Variants in BCAS2 observed in about 807,000 individuals in gnomAD.
BCAS2 encodes the protein BCAS2 pre-mRNA processing factor, also known as pre-mRNA-splicing factor SPF27.
Under a neutral mutation model 35.3 loss-of-function variants are expected in BCAS2, and 34 were observed. The ratio of observed to expected loss-of-function variants is 0.96; its 90% CI spans 0.73 to 1.28. BCAS2 has a LOEUF of 1.28. Among genes scored for constraint, BCAS2 ranks in the 50% most tolerant of loss-of-function variants. The pLI is 0.00. For missense variants in BCAS2, 221 were observed against 268.1 expected (o/e 0.82, Z 1.23); for synonymous variants, 75 against 91.6 (o/e 0.82, Z 1.03).
At chr1:114,571,936 C>T (rs970682777) in intron 4 of BCAS2, among the ~76,000 whole-genome samples, 1 of 152,052 alleles carries the variant, frequency 6.6e-6, no homozygotes, top group Non-Finnish European at 1.5e-5. Context: ...GGGAAAAGTT[C>T]AATAATACAG....
At chr1:114,568,348 A>G in intron 6 of BCAS2, 92 bp from the exon 7 acceptor site, 1 of 1,328,622 alleles carries the variant, frequency 7.5e-7, no homozygotes, top group Non-Finnish European at 1.0e-6. Context: ...GTTCACCCAG[A>G]GCTATAACAC....
At chr1:114,577,918 C>T (rs180845146) in intron 2 of BCAS2, among the ~76,000 whole-genome samples, 2 of 152,200 alleles carry the variant, frequency 1.3e-5, no homozygotes, top group African/African-American at 4.8e-5. Context: ...TTAGGCCGGG[C>T]GAGGTGGCTC....
intron 3 of BCAS2, among the ~76,000 whole-genome samples, chr1:114,576,094 C>T (rs1286221322): frequency 2.0e-5 from 3 of 151,878 alleles, no homozygotes; most frequent in Non-Finnish European, 4.4e-5. Context: ...AAGTTTGCTA[C>T]CATTTTTGTA....
intron 3 of BCAS2, among the ~76,000 whole-genome samples, chr1:114,576,245 C>CTATATA (rs1280617063): frequency 2.3e-4 from 33 of 142,468 alleles, no homozygotes; most frequent in African/African-American, 3.4e-4. Flanking sequence ...CTCTCTCTCT[C>CTATATA]TCTATATATA....
At chr1:114,576,180 T>C (rs1027679928) in intron 3 of BCAS2, among the ~76,000 whole-genome samples, 3 of 151,326 alleles carry the variant, frequency 2.0e-5, no homozygotes, top group Admixed American at 2.0e-4. Flanking sequence ...TATGACTCCT[T>C]CTATTCTCTC....
intron 6 of BCAS2, among the ~76,000 whole-genome samples, chr1:114,569,354 A>G (rs1350995915): frequency 2.0e-5 from 3 of 152,136 alleles, no homozygotes; most frequent in Admixed American, 1.3e-4. Flanking sequence ...AAAGGAAGAG[A>G]GAAATGACAC....
intron 6 of BCAS2, among the ~76,000 whole-genome samples, chr1:114,569,327 A>T (rs1000381645): frequency 6.6e-6 from 1 of 152,002 alleles, no homozygotes; most frequent in African/African-American, 2.4e-5. Context: ...GAAGGGAGAA[A>T]GGGAATGGCC....
At chr1:114,570,265 A>T (rs572753621) in intron 5 of BCAS2, among the ~76,000 whole-genome samples, 193 bp from the exon 6 acceptor site, 44 of 141,988 alleles carry the variant, frequency 3.1e-4, no homozygotes, top group Non-Finnish European at 6.0e-4. Flanking sequence ...TCATTGTGAG[A>T]AATCACACAC....
chr1:114,576,935 C>T (rs1654781759), intron 2 of BCAS2, among the ~76,000 whole-genome samples, 177 bp from the exon 3 acceptor site: 1 of 152,190 alleles, frequency 6.6e-6, no homozygotes, highest in Admixed American at 6.5e-5. Context: ...CACACTCACT[C>T]ACTCACTTCA....
chr1:114,571,672 G>C (rs1654647688), intron 4 of BCAS2, among the ~76,000 whole-genome samples: 1 of 152,124 alleles, frequency 6.6e-6, no homozygotes, highest in Admixed American at 6.5e-5. Flanking sequence ...TTCTTAAACT[G>C]TCATGACTTC....
At chr1:114,570,784 A>C in intron 4 of BCAS2, 34 bp from the exon 5 acceptor site, 2 of 1,407,624 alleles carry the variant, frequency 1.4e-6, no homozygotes, top group Non-Finnish European at 2.0e-6. Context: ...ATTAAAATAC[A>C]TTAAAATAGT....
Position 114,568,119 on chromosome 1 carries a change from A to G in BCAS2, c.*11T>C. The G allele has an allele frequency of 2.5e-6, 4 of 1,612,030 alleles. No individual in the cohort carries two copies. Among genetic ancestry groups the G allele is most frequent in the Non-Finnish European group, 3.4e-6 (4 of 1,179,882 alleles). On this transcript the variant is annotated 3_prime_UTR_variant, in exon 7 of 7. Coordinates refer to ENST00000369541, the MANE Select transcript of BCAS2 (RefSeq NM_005872.3). ...AAGCCCAACTTTTCTTCTACCTGCT[A>G]AATTGTCTTTTCAGAAGTCTTGCCG...
Position 114,575,757 on chromosome 1 carries a change from A to G in BCAS2, c.258-6T>C, listed in dbSNP as rs1654747180. The G allele has an allele frequency of 1.2e-6, 2 of 1,610,212 alleles. No individual in the cohort carries two copies. The highest frequency in any genetic ancestry group is 2.2e-5 in the South Asian group (2 of 90,246). On this transcript the variant is annotated splice_polypyrimidine_tract_variant and splice_region_variant and intron_variant, in intron 3 of 6. Coordinates refer to ENST00000369541, the MANE Select transcript of BCAS2 (RefSeq NM_005872.3). ...AGGGGGCTGGAAGCTCATATCTGAA[A>G]TTAAACAACAAAATAAAATAAAACC...
At position 114,570,059 on chromosome 1, in the gene BCAS2, C is replaced by T. The variant is rs753458743; in HGVS notation, c.484G>A (p.Asp162Asn). 1 of 1,609,652 alleles carries T rather than the reference C, an allele frequency of 6.2e-7. No homozygotes were observed. Among genetic ancestry groups the T allele is most frequent in the Non-Finnish European group, 8.5e-7 (1 of 1,176,522 alleles). ...ELQKLRKHIQ[D>N]LNWQRKNMQL... is the part of the protein sequence containing the mutation. ...ATGTTCTTTCTCTGCCAGTTTAAAT[C>T]TTGAATATGTTTTCTGTAAAAAATT... Residue 162 changes from aspartate to asparagine, a missense_variant, in exon 6 of 7, where the codon GAT (aspartate) becomes AAT (asparagine). By Grantham distance (23) the Asp-to-Asn change is conservative. Transcript: ENST00000369541.
intron 4 of BCAS2, among the ~76,000 whole-genome samples, chr1:114,574,998 T>C (rs1654725463): frequency 6.6e-6 from 1 of 151,102 alleles, no homozygotes; most frequent in African/African-American, 2.4e-5. Context: ...GTCTCCTGAG[T>C]AGCTGTGACT....
intron 1 of BCAS2, 26 bp from the exon 2 acceptor site, chr1:114,581,417 T>C (rs762850275): frequency 1.2e-6 from 2 of 1,614,014 alleles, no homozygotes; most frequent in Non-Finnish European, 1.7e-6. Flanking sequence ...GGGACCAGGG[T>C]AGAAGTGGCA....
chr1:114,571,786 C>T (rs1041091856), intron 4 of BCAS2, among the ~76,000 whole-genome samples: 1 of 152,136 alleles, frequency 6.6e-6, no homozygotes, highest in Non-Finnish European at 1.5e-5. Context: ...GTCATTCTCT[C>T]CTCCTGTCTA....
At chr1:114,575,186 CTTTTTTTTTTTT>C (rs71090790) in intron 4 of BCAS2, among the ~76,000 whole-genome samples, 5 of 79,322 alleles carry the variant, frequency 6.3e-5, no homozygotes, top group African/African-American at 1.5e-4. Flanking sequence ...TTTTTCTTTT[CTTTTTTTTTTTT>C]TTTTTTTGAG....
chr1:114,581,089 T>C (rs575752711), intron 2 of BCAS2, among the ~76,000 whole-genome samples: 2 of 152,264 alleles, frequency 1.3e-5, no homozygotes, highest in Non-Finnish European at 1.5e-5. Context: ...ATTAAGTGAG[T>C]TGTGGAGCCC....
Sources: allele counts gnomAD v4.1 joint callset (sites outside exome capture counted in the v4.1 genomes callset), GRCh38; gene constraint gnomAD v4.1.1; transcripts MANE v1.5; gene names NCBI Gene and HGNC (gene_info 2026-07-23, HGNC 2026-07-21).